Variants in GPD2 observed in about 807,000 individuals in gnomAD.
GPD2 encodes glycerol-3-phosphate dehydrogenase, mitochondrial.
A neutral mutation model predicts 82.4 loss-of-function variants in GPD2; 54 were observed. The observed-to-expected ratio is 0.66, with a 90% CI of 0.53 to 0.82. The LOEUF (loss-of-function observed/expected upper bound fraction) is 0.82, where lower values mean the gene tolerates loss of function less well. Ranked by LOEUF, GPD2 falls within the 40% of genes least tolerant of loss-of-function variation. The probability of loss-of-function intolerance (pLI) is 0.00; values close to 1 mark genes in which losing one functional copy is unlikely to be tolerated. For missense variants in GPD2, 748 were observed against 896.2 expected (o/e 0.83, Z 2.11); for synonymous variants, 288 against 306.1 (o/e 0.94, Z 0.62).
chr2:156,556,642 A>G (rs1354196063), intron 8 of GPD2, among the ~76,000 whole-genome samples: 1 of 152,198 alleles, frequency 6.6e-6, no homozygotes, highest in Non-Finnish European at 1.5e-5. Flanking sequence ...CCTTGATTTA[A>G]CATAGTACAC....
At chr2:156,529,569 T>A (rs1685762254) in intron 6 of GPD2, among the ~76,000 whole-genome samples, 1 of 152,166 alleles carries the variant, frequency 6.6e-6, no homozygotes, top group Admixed American at 6.5e-5. Flanking sequence ...TTTATGGTTT[T>A]AATTCTAACG....
chr2:156,485,780 T>A (rs1683916958), intron 2 of GPD2, among the ~76,000 whole-genome samples: 1 of 152,218 alleles, frequency 6.6e-6, no homozygotes. Context: ...TCTACTCCAC[T>A]GTATGGGAGT....
chr2:156,528,229 T>G (rs926934945), intron 6 of GPD2, among the ~76,000 whole-genome samples: 2 of 152,026 alleles, frequency 1.3e-5, no homozygotes, highest in African/African-American at 4.8e-5. Context: ...AAAACCGGAT[T>G]GAAACATGTC....
intron 6 of GPD2, among the ~76,000 whole-genome samples, chr2:156,536,050 C>T (rs1350964161): frequency 1.3e-5 from 2 of 152,170 alleles, no homozygotes; most frequent in African/African-American, 2.4e-5. Context: ...TTTGACAAAT[C>T]GCATTTTGAT....
At chr2:156,493,021 A>C (rs1170212419) in intron 2 of GPD2, among the ~76,000 whole-genome samples, 2 of 152,150 alleles carry the variant, frequency 1.3e-5, no homozygotes, top group African/African-American at 4.8e-5. Context: ...TTGTGGTATA[A>C]AGGATATTTG....
At chr2:156,467,372 A>T (rs1683185198) in intron 1 of GPD2, among the ~76,000 whole-genome samples, 1 of 152,176 alleles carries the variant, frequency 6.6e-6, no homozygotes, top group South Asian at 2.1e-4. Flanking sequence ...GTGTATTTAG[A>T]ACCTGAGGAT....
chr2:156,440,799 T>C (rs935736439), intron 1 of GPD2, among the ~76,000 whole-genome samples: 3 of 152,220 alleles, frequency 2.0e-5, no homozygotes, highest in African/African-American at 4.8e-5. Flanking sequence ...TATTGTGATA[T>C]AGTAAGAAAG....
At chr2:156,553,254 G>C (rs1558957943) in intron 8 of GPD2, among the ~76,000 whole-genome samples, 1 of 151,964 alleles carries the variant, frequency 6.6e-6, no homozygotes, top group Non-Finnish European at 1.5e-5. Context: ...TTTTTTCTCT[G>C]TTTTATAGAG....
intron 1 of GPD2, among the ~76,000 whole-genome samples, chr2:156,468,526 C>G (rs545600339): frequency 6.6e-6 from 1 of 152,000 alleles, no homozygotes; most frequent in Non-Finnish European, 1.5e-5. Flanking sequence ...GGAGCATTTG[C>G]TACCTTTGGA....
At chr2:156,510,969 TC>T (rs1239737316) in intron 4 of GPD2, 49 bp downstream of exon 4, 3 of 1,565,674 alleles carry the variant, frequency 1.9e-6, no homozygotes, top group Non-Finnish European at 2.6e-6. Context: ...TGTGCTTTTT[TC>T]TACCCAATTA....
At chr2:156,451,122 G>T (rs298240) in intron 1 of GPD2, among the ~76,000 whole-genome samples, 32 of 149,604 alleles carry the variant, frequency 2.1e-4, no homozygotes, top group Admixed American at 1.1e-3. Flanking sequence ...CTTTCCCCCC[G>T]TTCTATTCCA....
chr2:156,573,317 A>G (rs922841195), intron 13 of GPD2, among the ~76,000 whole-genome samples: 1 of 152,184 alleles, frequency 6.6e-6, no homozygotes, highest in South Asian at 2.1e-4. Flanking sequence ...ATCCTAGAGC[A>G]TAAGCTTTCT....
intron 9 of GPD2, among the ~76,000 whole-genome samples, chr2:156,558,411 A>G (rs1573999298): frequency 2.0e-5 from 3 of 152,106 alleles, no homozygotes; most frequent in Non-Finnish European, 4.4e-5. Context: ...GAACAGTTGC[A>G]TTGGCCCCAC....
Position 156,568,907 on chromosome 2 carries a change from C to T in GPD2, c.1248C>T (p.Ile416=). Residue 416 remains isoleucine (I), a synonymous_variant, in exon 10 of 17, where the codon ATC becomes ATT. Coordinates refer to ENST00000438166, the MANE Select transcript of GPD2 (RefSeq NM_000408.5). Reference sequence around the variant, plus strand: ...CCAAATCTGCAGATACTCAGTCTATCTCCCGAAATCATGTTGTTGATATCA... The same window carrying T: ...CCAAATCTGCAGATACTCAGTCTATTTCCCGAAATCATGTTGTTGATATCA... ...TDPKSADTQS[I]SRNHVVDISE... is the part of the protein sequence containing the mutation. The T allele has an allele frequency of 6.2e-7, 1 of 1,611,458 alleles. No homozygotes were observed. The highest frequency in any genetic ancestry group is 8.5e-7 in the Non-Finnish European group (1 of 1,177,742).
chr2:156,410,625 C>T, the GPD2 span, among the ~76,000 whole-genome samples: 1 of 152,186 alleles, frequency 6.6e-6, no homozygotes, highest in Admixed American at 6.5e-5. Context: ...CCCGTCTCAC[C>T]TAAATAAGAT....
intron 13 of GPD2, among the ~76,000 whole-genome samples, chr2:156,577,211 G>A (rs1045662901): frequency 2.0e-5 from 3 of 152,196 alleles, no homozygotes; most frequent in African/African-American, 7.2e-5. Context: ...GCTGGGCACA[G>A]TGCTTCATGC....
At chr2:156,470,648 T>C (rs1683297453) in intron 1 of GPD2, among the ~76,000 whole-genome samples, 1 of 152,224 alleles carries the variant, frequency 6.6e-6, no homozygotes, top group Non-Finnish European at 1.5e-5. Flanking sequence ...ATAAATTTGC[T>C]TGTGCATAGT....
intron 2 of GPD2, among the ~76,000 whole-genome samples, chr2:156,478,441 A>T (rs576561070): frequency 1.3e-5 from 2 of 152,122 alleles, no homozygotes; most frequent in Non-Finnish European, 2.9e-5. Context: ...TCCCTTTAAG[A>T]TACTGCCATT....
Position 156,557,940 on chromosome 2 carries a change from C to T in GPD2, c.1165+358C>T, listed in dbSNP as rs1182765984. Among the ~76,000 whole-genome samples, 3 of 152,072 alleles carry T rather than the reference C, an allele frequency of 2.0e-5. No homozygotes were observed. In the South Asian group the frequency reaches 6.2e-4, roughly 32 times the overall value. ...TGTCTAATTTACAGATGCAGGATAT[C>T]AATAGGAAATAATTAAGCAAATAAA... On this transcript the variant is annotated intron_variant, in intron 9 of 16. Transcript: ENST00000438166.
Sources: gnomAD v4.1 joint callset for allele counts (sites outside exome capture counted in the v4.1 genomes callset) on GRCh38, gnomAD v4.1.1 for gene constraint, MANE v1.5 for transcripts, NCBI Gene and HGNC (gene_info 2026-07-23, HGNC 2026-07-21) for gene names.